Variants in SEC24D observed in about 807,000 individuals in gnomAD.
SEC24D encodes protein transport protein Sec24D.
Under a neutral mutation model 116.9 loss-of-function variants are expected in SEC24D, and 69 were observed. That is an observed-to-expected ratio of 0.59 (90% CI 0.49 to 0.72). SEC24D has a LOEUF of 0.72. SEC24D is among the 30% of genes least tolerant of loss of function. The probability of loss-of-function intolerance (pLI) is 0.00; values close to 1 mark genes in which losing one functional copy is unlikely to be tolerated. For missense variants in SEC24D, 1,131 were observed against 1,264.1 expected, an observed-to-expected ratio of 0.89 and a Z score of 1.60; for synonymous variants, 405 against 442.8, an observed-to-expected ratio of 0.91 and a Z score of 1.07.
chr4:118,800,848 T>C (rs1395530729), intron 7 of SEC24D, among the ~76,000 whole-genome samples: 1 of 152,174 alleles, frequency 6.6e-6, no homozygotes, highest in Non-Finnish European at 1.5e-5. Flanking sequence ...TTAGAACCAA[T>C]TATAAATTTC....
chr4:118,739,457 T>C (rs1480446884), intron 17 of SEC24D, among the ~76,000 whole-genome samples, 170 bp from the exon 18 acceptor site: 1 of 152,210 alleles, frequency 6.6e-6, no homozygotes, highest in African/African-American at 2.4e-5. Context: ...ACAGGAAATA[T>C]GGGAGAATAA....
At chr4:118,729,794 A>C (rs1725593557) in intron 21 of SEC24D, 2 of 152,198 alleles carry the variant, frequency 1.3e-5, no homozygotes, top group Admixed American at 1.3e-4. Flanking sequence ...TTCACCATAA[A>C]CCTCAAGTGT....
rs183410283 is a variant in SEC24D at position 118,772,701 on chromosome 4, C to T, written c.1042-4390G>A. 2.6e-5 allele frequency among the ~76,000 whole-genome samples: 4 copies of T among 152,270 alleles called. No individual in the cohort carries two copies. In the East Asian group the frequency reaches 5.8e-4, roughly 22 times the overall value. On this transcript the variant is annotated intron_variant, in intron 8 of 22. Coordinates refer to ENST00000280551, the MANE Select transcript of SEC24D (RefSeq NM_014822.4). The stretch of plus-strand genomic sequence containing the variant: ...TGCCAGCGTCCAAGCCCACTCTCCA[C>T]ATTAGCCATCGTGGTGCAAAATAAC...
chr4:118,780,758 T>C (rs561396170), intron 8 of SEC24D, among the ~76,000 whole-genome samples: 1 of 149,386 alleles, frequency 6.7e-6, no homozygotes, highest in Admixed American at 6.6e-5. Context: ...TTTATCAATC[T>C]GGGTGCTCCT....
intron 21 of SEC24D, chr4:118,729,184 C>G (rs1030015133): frequency 1.3e-5 from 2 of 152,020 alleles, no homozygotes; most frequent in African/African-American, 4.8e-5. Context: ...CGCCTGCACT[C>G]AAGCAATCCT....
chr4:118,817,917 G>T (rs6814969), intron 3 of SEC24D, among the ~76,000 whole-genome samples: 1 of 152,080 alleles, frequency 6.6e-6, no homozygotes, highest in South Asian at 2.1e-4. Context: ...AGCCAGGAGT[G>T]GTGGCGCTAC....
chr4:118,793,801 T>C (rs145631739), intron 8 of SEC24D, among the ~76,000 whole-genome samples: 243 of 152,330 alleles, frequency 1.6e-3, no homozygotes, highest in African/African-American at 5.6e-3. Context: ...TTCTTAAATA[T>C]ATTCAGAGTA....
At chr4:118,803,348 T>G (rs892668859) in intron 7 of SEC24D, among the ~76,000 whole-genome samples, 3 of 152,188 alleles carry the variant, frequency 2.0e-5, no homozygotes, top group Admixed American at 6.5e-5. Context: ...TTACTTGACA[T>G]GTATTATGCT....
chr4:118,752,788 T>G lies in SEC24D; in HGVS notation c.1522A>C (p.Met508Leu), dbSNP rs1471503820. The change falls in exon 12 of 23, where the codon ATG becomes CTG. Residue 508 changes from methionine to leucine, a missense_variant. Physicochemically the swap from Met to Leu is conservative, Grantham distance 15. Coordinates refer to ENST00000280551, the MANE Select transcript of SEC24D (RefSeq NM_014822.4). ...TCTCCAACATCAGTCACCACCATCATCTGAGGCTGGGCCAGATTACTCTTC... is the reference window on the plus strand; with the variant it reads ...TCTCCAACATCAGTCACCACCATCAGCTGAGGCTGGGCCAGATTACTCTTC... ...NVKSNLAQPQMMVVTDVGEVF... is the reference protein window; with the variant it reads ...NVKSNLAQPQLMVVTDVGEVF... 6.2e-7 allele frequency: 1 copy of G among 1,612,206 alleles called. No individual in the cohort carries two copies. The highest frequency in any genetic ancestry group is 1.1e-5 in the South Asian group (1 of 90,814).
intron 8 of SEC24D, among the ~76,000 whole-genome samples, chr4:118,783,478 C>G (rs1418207014): frequency 6.6e-6 from 1 of 152,208 alleles, no homozygotes; most frequent in Non-Finnish European, 1.5e-5. Flanking sequence ...TGTTCACTGA[C>G]ATATCTCAAG....
intron 10 of SEC24D, among the ~76,000 whole-genome samples, chr4:118,763,014 G>A (rs527241584): frequency 3.3e-5 from 5 of 152,210 alleles, no homozygotes; most frequent in East Asian, 3.9e-4. Flanking sequence ...TGCAAAGATC[G>A]GCAAATAAAT....
chr4:118,800,884 C>T (rs1729403186), intron 7 of SEC24D, among the ~76,000 whole-genome samples: 1 of 152,046 alleles, frequency 6.6e-6, no homozygotes, highest in Non-Finnish European at 1.5e-5. Context: ...AAATTGAGTC[C>T]AGGTTGTCAA....
chr4:118,778,320 C>T (rs889304173), intron 8 of SEC24D, among the ~76,000 whole-genome samples: 2 of 152,212 alleles, frequency 1.3e-5, no homozygotes, highest in African/African-American at 4.8e-5. Context: ...CAGCTTTCTA[C>T]ATATGGCTAG....
chr4:118,747,486 G>A lies in SEC24D; in HGVS notation c.1708-2426C>T, dbSNP rs757132063. 5.3e-5 allele frequency among the ~76,000 whole-genome samples: 8 copies of A among 151,838 alleles called. No homozygotes were observed. The South Asian group carries it at 8.3e-4, about 16-fold the overall frequency. On this transcript the variant is annotated intron_variant, in intron 13 of 22. Transcript: ENST00000280551. ...TCTCCATGTTGGTCAGGCTGGTCTC[G>A]AACTCCCAACCTCAGGTGATCCGCC... is the stretch of plus-strand genomic sequence containing the variant.
intron 8 of SEC24D, among the ~76,000 whole-genome samples, chr4:118,782,824 C>A (rs372264352): frequency 2.0e-5 from 3 of 152,206 alleles, no homozygotes; most frequent in African/African-American, 4.8e-5. Context: ...AACCCTCCCC[C>A]CTGCCAGGCT....
chr4:118,749,439 TAA>T (rs1486410337), intron 13 of SEC24D, among the ~76,000 whole-genome samples: 1 of 152,188 alleles, frequency 6.6e-6, no homozygotes, highest in Admixed American at 6.5e-5. Context: ...TGATAGAAAA[TAA>T]AGTTATAATA....
At chr4:118,798,180 T>C (rs1451489977) in intron 7 of SEC24D, among the ~76,000 whole-genome samples, 1 of 152,216 alleles carries the variant, frequency 6.6e-6, no homozygotes, top group African/African-American at 2.4e-5. Flanking sequence ...AACAAAACTT[T>C]TGAATCACAA....
rs76099029 is a variant in SEC24D, at chr4:118,765,839, A to C, written c.1181-922T>G. Reference sequence around the variant, plus strand: ...AGGTTGTTCTTTTTTTAAAAAAAAAACCCACTGAGGCTTGATTGTTCTACG... The same window carrying C: ...AGGTTGTTCTTTTTTTAAAAAAAAACCCCACTGAGGCTTGATTGTTCTACG... On this transcript the variant is annotated intron_variant, in intron 9 of 22. Transcript: ENST00000280551. Among the ~76,000 whole-genome samples, 13 of 151,946 alleles carry C rather than the reference A, an allele frequency of 8.6e-5. No homozygotes were observed. The South Asian group carries it at 2.7e-3, about 32-fold the overall frequency.
intron 8 of SEC24D, 113 bp from the exon 9 acceptor site, chr4:118,768,424 T>C (rs1038743072): frequency 3.9e-6 from 3 of 776,432 alleles, no homozygotes; most frequent in Non-Finnish European, 4.0e-6. Flanking sequence ...AGACAGAGTC[T>C]TGCTCTGTCA....
Sources: allele counts gnomAD v4.1 joint callset (sites outside exome capture counted in the v4.1 genomes callset), GRCh38; gene constraint gnomAD v4.1.1; transcripts MANE v1.5; gene names NCBI Gene and HGNC (gene_info 2026-07-23, HGNC 2026-07-21).